TBC1D30: variants seen among roughly 807,000 people sequenced by gnomAD.
TBC1D30 encodes the protein TBC1 domain family, member 30.
A neutral mutation model predicts 63.2 loss-of-function variants in TBC1D30; 31 were observed. The ratio of observed to expected loss-of-function variants is 0.49; its 90% CI spans 0.37 to 0.66. The LOEUF (loss-of-function observed/expected upper bound fraction) is 0.66, where lower values mean the gene tolerates loss of function less well. Ranked by LOEUF, TBC1D30 falls within the 30% of genes least tolerant of loss-of-function variation. The pLI is 0.00. For missense variants in TBC1D30, 810 were observed against 953.6 expected (o/e 0.85, Z 1.98); for synonymous variants, 307 against 361.5 (o/e 0.85, Z 1.71).
At chr12:64,765,520 A>AAAAAAAAAC (rs1870679021) in intron 1 of TBC1D30, among the ~76,000 whole-genome samples, 1 of 148,164 alleles carries the variant, frequency 6.7e-6, no homozygotes, top group Non-Finnish European at 1.5e-5. Context: ...AAAAAAAAAA[A>AAAAAAAAAC]TTACTATATA....
At chr12:64,873,773 G>A (rs1878836041) in intron 11 of TBC1D30, among the ~76,000 whole-genome samples, 1 of 152,222 alleles carries the variant, frequency 6.6e-6, no homozygotes, top group Non-Finnish European at 1.5e-5. Flanking sequence ...CACAGTGACA[G>A]TCAAATAATT....
chr12:64,807,253 G>A (rs1872925386), intron 2 of TBC1D30, among the ~76,000 whole-genome samples: 1 of 152,186 alleles, frequency 6.6e-6, no homozygotes, highest in Non-Finnish European at 1.5e-5. Flanking sequence ...ATCATGTGAA[G>A]AAGGACGTGT....
chr12:64,813,352 T>C (rs979325689), intron 2 of TBC1D30, among the ~76,000 whole-genome samples: 2 of 152,048 alleles, frequency 1.3e-5, no homozygotes, highest in African/African-American at 4.8e-5. Context: ...ATTGCGCCAC[T>C]GCACTCCAGC....
At chr12:64,826,243 G>A (rs1024212824) in intron 1 of TBC1D30, among the ~76,000 whole-genome samples, 1 of 152,130 alleles carries the variant, frequency 6.6e-6, no homozygotes, top group African/African-American at 2.4e-5. Context: ...GCATGCAGGC[G>A]GCGAATCAAT....
At chr12:64,784,802 G>A (rs1023760477) in intron 1 of TBC1D30, among the ~76,000 whole-genome samples, 1 of 151,770 alleles carries the variant, frequency 6.6e-6, no homozygotes, top group Non-Finnish European at 1.5e-5. Flanking sequence ...AACCACCATG[G>A]CACATGTATA....
intron 2 of TBC1D30, among the ~76,000 whole-genome samples, chr12:64,793,850 C>G (rs1872090319): frequency 6.6e-6 from 1 of 152,218 alleles, no homozygotes; most frequent in Admixed American, 6.5e-5. Flanking sequence ...TCTGCATGCA[C>G]TGCCATCCTG....
At position 64,870,788 on chromosome 12, in the gene TBC1D30, A is replaced by T. The variant is rs1179518791; in HGVS notation, c.1478A>T (p.His493Leu). The T allele has an allele frequency of 4.6e-6, 7 of 1,535,992 alleles. No individual in the cohort carries two copies. The African/African-American group carries it at 9.6e-5, about 21-fold the overall frequency. ...AAAAAGAAGCAACAGCAGCAGGTTC[A>T]TCAGGTGTACATCAGGGCAGGTAAT... Reference protein sequence around the residue: ...RIKKKQQQQVHQVYIRADKGP... With the variant: ...RIKKKQQQQVLQVYIRADKGP... The change falls in exon 11 of 12, where the codon CAT becomes CTT. Residue 493 changes from histidine (H) to leucine (L), a missense_variant. His to Leu is a moderately conservative substitution (Grantham distance 99). Coordinates refer to ENST00000539867, the MANE Select transcript of TBC1D30 (RefSeq NM_015279.2).
chr12:64,813,382 T>A (rs1873333035), intron 2 of TBC1D30, among the ~76,000 whole-genome samples: 2 of 150,200 alleles, frequency 1.3e-5, no homozygotes, highest in South Asian at 4.2e-4. Flanking sequence ...AGAGCAAGAG[T>A]CCATAACAAC....
chr12:64,855,564 C>G (rs367959499), intron 8 of TBC1D30, among the ~76,000 whole-genome samples: 1 of 152,130 alleles, frequency 6.6e-6, no homozygotes, highest in Non-Finnish European at 1.5e-5. Flanking sequence ...TATAGCCTGT[C>G]TTCAAGCTCA....
intron 7 of TBC1D30, among the ~76,000 whole-genome samples, chr12:64,841,946 T>C (rs1875912583): frequency 6.6e-6 from 1 of 152,210 alleles, no homozygotes; most frequent in Non-Finnish European, 1.5e-5. Flanking sequence ...TCCATAATCA[T>C]ATTATTTTGG....
rs752573493 is a variant in TBC1D30, at chr12:64,853,034, G to A, written c.1038+9549G>A. Among the ~76,000 whole-genome samples the A allele has an allele frequency of 3.0e-4, 46 of 152,294 alleles. 1 individual carries two copies. In the Middle Eastern group the frequency reaches 0.01, roughly 34 times the overall value. On this transcript the variant is annotated intron_variant, in intron 8 of 11. Transcript: ENST00000539867. ...CGAGCACTGTGCGGAGAGATCCACT[G>A]CTCTCTTCAGAGCCAGCAGGGAGGA...
At chr12:64,815,503 A>G (rs1358688120) in intron 2 of TBC1D30, among the ~76,000 whole-genome samples, 1 of 152,228 alleles carries the variant, frequency 6.6e-6, no homozygotes, top group Non-Finnish European at 1.5e-5. Context: ...TTCATTTTTT[A>G]AATTAAACTT....
chr12:64,766,459 G>A (rs1350855703), intron 1 of TBC1D30, among the ~76,000 whole-genome samples: 2 of 151,858 alleles, frequency 1.3e-5, no homozygotes, highest in Non-Finnish European at 2.9e-5. Flanking sequence ...TAAAAACAGG[G>A]CATTTTATAA....
At chr12:64,777,409 G>A (rs61964299), upstream of TBC1D30, among the ~76,000 whole-genome samples, 1 of 152,180 alleles carries the variant, frequency 6.6e-6, no homozygotes, top group East Asian at 1.9e-4. Context: ...CTTCAGCAAA[G>A]TCTCAGGATA....
chr12:64,876,938 C>G lies in TBC1D30; in HGVS notation c.*1150C>G, dbSNP rs1323504134. The G allele has an allele frequency of 8.8e-6, 4 of 455,864 alleles. No homozygotes were observed. In the Admixed American group the frequency reaches 9.4e-5, roughly 11 times the overall value. 28.2% of individuals were successfully genotyped at this position (455,864 alleles called of 1,614,324 possible). A position where few individuals can be genotyped will look rare whatever the true frequency, so the allele number is the denominator to read the frequency against. On this transcript the variant is annotated 3_prime_UTR_variant, in exon 12 of 12. Transcript: ENST00000539867. ...AAGTAGCACTTCAGTTACTCAAGGTCAGTACTCTCGGTATTCCAAGTGACT... is the reference window on the plus strand; with the variant it reads ...AAGTAGCACTTCAGTTACTCAAGGTGAGTACTCTCGGTATTCCAAGTGACT...
intron 11 of TBC1D30, among the ~76,000 whole-genome samples, chr12:64,874,478 T>A (rs1462779529): frequency 2.0e-5 from 3 of 152,246 alleles, no homozygotes; most frequent in Non-Finnish European, 4.4e-5. Context: ...TAGGGCTAGA[T>A]GCTGGATAGC....
intron 2 of TBC1D30, among the ~76,000 whole-genome samples, chr12:64,814,737 T>C (rs188934509): frequency 6.6e-6 from 1 of 152,322 alleles, no homozygotes; most frequent in Admixed American, 6.5e-5. Context: ...GCCACGCTTA[T>C]ACTGTTTCTA....
intron 8 of TBC1D30, among the ~76,000 whole-genome samples, chr12:64,849,484 C>T (rs1592634398): frequency 6.6e-6 from 1 of 151,996 alleles, no homozygotes; most frequent in Non-Finnish European, 1.5e-5. Context: ...AGTTTGTTTT[C>T]TGCATGTGAC....
At chr12:64,846,061 T>A (rs1876351679) in intron 8 of TBC1D30, among the ~76,000 whole-genome samples, 3 of 151,882 alleles carry the variant, frequency 2.0e-5, no homozygotes, top group African/African-American at 7.3e-5. Context: ...ATTATAAGAT[T>A]ATAAGAGTTA....
Sources: gnomAD v4.1 joint callset for allele counts (sites outside exome capture counted in the v4.1 genomes callset) on GRCh38, gnomAD v4.1.1 for gene constraint, MANE v1.5 for transcripts, NCBI Gene and HGNC (gene_info 2026-07-23, HGNC 2026-07-21) for gene names.